Variants in HS3ST4 observed in about 807,000 individuals in gnomAD.
The protein encoded by HS3ST4 is heparan sulfate-glucosamine 3-sulfotransferase 4.
In HS3ST4, 17 loss-of-function variants were observed where a neutral mutation model predicts 29.2. That is an observed-to-expected ratio of 0.58 (90% CI 0.40 to 0.87). The LOEUF is 0.87. Among genes scored for constraint, HS3ST4 ranks in the 40% least tolerant of loss-of-function variants. HS3ST4 has a pLI of 0.00. For missense variants in HS3ST4, 627 were observed against 634.5 expected (o/e 0.99, Z 0.13); for synonymous variants, 314 against 285.7 (o/e 1.10, Z -1.00).
chr16:25,982,316 C>T (rs1182829510), intron 1 of HS3ST4, among the ~76,000 whole-genome samples: 1 of 152,172 alleles, frequency 6.6e-6, no homozygotes, highest in Non-Finnish European at 1.5e-5. Context: ...ACGCCCATGC[C>T]TTCCAAAAGA....
chr16:25,768,321 AGT>A (rs746983097), intron 1 of HS3ST4, among the ~76,000 whole-genome samples: 4 of 152,200 alleles, frequency 2.6e-5, no homozygotes, highest in Non-Finnish European at 5.9e-5. Flanking sequence ...CTGAATAGGG[AGT>A]GTGTCTCTTG....
chr16:25,991,750 G>A (rs1163484261), intron 1 of HS3ST4, among the ~76,000 whole-genome samples: 3 of 152,110 alleles, frequency 2.0e-5, no homozygotes, highest in Admixed American at 6.5e-5. Context: ...GGCCGGGTGC[G>A]GTGGCTCACG....
chr16:25,708,441 C>T (rs1966390875), intron 1 of HS3ST4, among the ~76,000 whole-genome samples: 1 of 152,134 alleles, frequency 6.6e-6, no homozygotes, highest in Non-Finnish European at 1.5e-5. Flanking sequence ...CCAATTTCTT[C>T]ATTTGTGTTC....
At chr16:26,003,785 G>C (rs1192502157) in intron 1 of HS3ST4, among the ~76,000 whole-genome samples, 1 of 152,082 alleles carries the variant, frequency 6.6e-6, no homozygotes, top group African/African-American at 2.4e-5. Flanking sequence ...TTGAGAAGGT[G>C]GGCTGGAGTC....
chr16:26,065,650 T>C (rs1160617375), intron 1 of HS3ST4, among the ~76,000 whole-genome samples: 1 of 151,584 alleles, frequency 6.6e-6, no homozygotes. Flanking sequence ...AAGATAAAAA[T>C]AAAATATGGT....
intron 1 of HS3ST4, among the ~76,000 whole-genome samples, chr16:26,071,258 G>A: frequency 6.6e-6 from 1 of 152,158 alleles, no homozygotes; most frequent in African/African-American, 2.4e-5. Context: ...AGGAGGTGAG[G>A]GGTGAGGGAG....
intron 1 of HS3ST4, among the ~76,000 whole-genome samples, chr16:25,887,821 C>T (rs1967970274): frequency 6.6e-6 from 1 of 151,544 alleles, no homozygotes; most frequent in Non-Finnish European, 1.5e-5. Context: ...CCTCAGCCTC[C>T]AGAGTAGCTG....
chr16:25,775,438 C>A (rs559361825), intron 1 of HS3ST4, among the ~76,000 whole-genome samples: 1 of 152,290 alleles, frequency 6.6e-6, no homozygotes, highest in South Asian at 2.1e-4. Context: ...TGTGCCAATT[C>A]GAGCATCTCA....
chr16:25,812,244 C>T (rs1450596560), intron 1 of HS3ST4, among the ~76,000 whole-genome samples: 2 of 152,188 alleles, frequency 1.3e-5, no homozygotes, highest in South Asian at 4.1e-4. Context: ...ATACATACTC[C>T]ATGTGGCAAA....
intron 1 of HS3ST4, among the ~76,000 whole-genome samples, chr16:25,736,454 G>T (rs983627668): frequency 6.6e-5 from 10 of 152,182 alleles, no homozygotes; most frequent in Non-Finnish European, 1.3e-4. Flanking sequence ...GCACTCACTG[G>T]ATGCTCTGTA....
chr16:25,809,335 A>G (rs532538002), intron 1 of HS3ST4, among the ~76,000 whole-genome samples: 2 of 152,322 alleles, frequency 1.3e-5, no homozygotes, highest in South Asian at 2.1e-4. Flanking sequence ...GCTTGCTGAT[A>G]TAGTGGATTA....
Position 25,733,639 on chromosome 16 carries a change from T to C in HS3ST4, c.734+40488T>C, listed in dbSNP as rs1017172214. 3.3e-5 allele frequency among the ~76,000 whole-genome samples: 5 copies of C among 152,266 alleles called. No homozygotes were observed. In the South Asian group the frequency reaches 1.0e-3, roughly 32 times the overall value. ...CTGTCCTGTCCCAAATTTGCTTGGA[T>C]TCTGTCCTGTCCCCTGCCCTGTCCC... On this transcript the variant is annotated intron_variant, in intron 1 of 1. Coordinates refer to ENST00000331351, the MANE Select transcript of HS3ST4 (RefSeq NM_006040.3).
intron 1 of HS3ST4, among the ~76,000 whole-genome samples, chr16:26,061,607 G>C (rs144709775): frequency 6.6e-6 from 1 of 152,188 alleles, no homozygotes; most frequent in African/African-American, 2.4e-5. Context: ...TGGAAGTGAC[G>C]CAAAATCTGA....
chr16:25,704,982 G>A (rs1223874159), intron 1 of HS3ST4, among the ~76,000 whole-genome samples: 2 of 151,852 alleles, frequency 1.3e-5, no homozygotes, highest in East Asian at 3.9e-4. Context: ...GAGGCTTGCC[G>A]AGGTGCTGGG....
intron 1 of HS3ST4, among the ~76,000 whole-genome samples, chr16:25,828,282 T>TTCTGTCTG (rs1967249305): frequency 1.2e-5 from 1 of 85,350 alleles, no homozygotes; most frequent in African/African-American, 5.0e-5. Context: ...CTTTCTTTCT[T>TTCTGTCTG]TCTTTCTTTC....
At chr16:25,716,073 C>T (rs201142407) in intron 1 of HS3ST4, among the ~76,000 whole-genome samples, 20 of 152,212 alleles carry the variant, frequency 1.3e-4, no homozygotes, top group East Asian at 1.9e-4. Flanking sequence ...TCTGGTGTGG[C>T]GATGGTAGTG....
chr16:25,937,127 C>A (rs531329315), intron 1 of HS3ST4, among the ~76,000 whole-genome samples: 83 of 151,656 alleles, frequency 5.5e-4, no homozygotes, highest in African/African-American at 2.0e-3. Context: ...CTTTCTGGGA[C>A]TTTTTCTTTT....
chr16:25,778,205 T>G (rs536805951), intron 1 of HS3ST4, among the ~76,000 whole-genome samples: 7 of 152,370 alleles, frequency 4.6e-5, no homozygotes, highest in Admixed American at 4.6e-4. Flanking sequence ...AACTGACATA[T>G]TTTATCACCT....
chr16:26,037,216 CT>C (rs1969591515), intron 1 of HS3ST4, among the ~76,000 whole-genome samples: 1 of 152,204 alleles, frequency 6.6e-6, no homozygotes, highest in Non-Finnish European at 1.5e-5. Flanking sequence ...CCTTCACCTG[CT>C]ACGTGCCTTT....
Sources: gnomAD v4.1 joint callset for allele counts (sites outside exome capture counted in the v4.1 genomes callset) on GRCh38, gnomAD v4.1.1 for gene constraint, MANE v1.5 for transcripts, NCBI Gene and HGNC (gene_info 2026-07-23, HGNC 2026-07-21) for gene names.